The following UBA3 variants were observed in gnomAD, a reference collection of about 807,000 sequenced individuals.
UBA3 encodes ubiquitin like modifier activating enzyme 3.
UBA3 carries 26 observed loss-of-function variants against 73.5 expected under a neutral mutation model. The ratio of observed to expected loss-of-function variants is 0.35; its 90% CI spans 0.26 to 0.49. The LOEUF is 0.49. UBA3 is among the 20% of genes least tolerant of loss of function. The pLI, the probability that UBA3 is intolerant of heterozygous loss-of-function variation, is 0.98. For synonymous variants in UBA3, 217 were observed against 191.2 expected (o/e 1.13, Z -1.11); for missense variants, 495 against 555.6 (o/e 0.89, Z 1.10).
chr3:69,077,960 A>G, intron 2 of UBA3, 42 bp from the exon 3 acceptor site: 1 of 1,604,734 alleles, frequency 6.2e-7, no homozygotes, highest in South Asian at 1.1e-5. Context: ...GATCAGTATG[A>G]AAAAAACCAC....
chr3:69,064,114 G>A lies in UBA3; in HGVS notation c.429-3C>T. 4 of 1,599,352 alleles carry A rather than the reference G, an allele frequency of 2.5e-6. No homozygotes were observed. The highest frequency in any genetic ancestry group is 1.1e-5 in the South Asian group (1 of 87,656). On this transcript the variant is annotated splice_region_variant and splice_polypyrimidine_tract_variant and intron_variant, in intron 6 of 17. Transcript: ENST00000361055. The stretch of plus-strand genomic sequence containing the variant: ...AATCTTGAATCTTGTTGAAATGTCT[G>A]AATACAAGTAAAGGAACTTAAGCAG...
chr3:69,057,022 C>A (rs1375892692), intron 12 of UBA3, among the ~76,000 whole-genome samples: 1 of 152,086 alleles, frequency 6.6e-6, no homozygotes, highest in East Asian at 1.9e-4. Flanking sequence ...TCTTGTTTAT[C>A]AGATTAATAA....
At position 69,056,802 on chromosome 3, in the gene UBA3, A is replaced by C; in HGVS notation, c.978T>G (p.Thr326=). The change falls in exon 13 of 18, where the codon ACT becomes ACG. Residue 326 remains threonine, a synonymous_variant. Transcript: ENST00000361055. ...ACCTTGTGGCTATTTTAAAAACCTC[A>C]GTGGCACACACAGCTGAAGGGAGGA... The part of the protein sequence containing the change: ...TNAVIAAVCA[T]EVFKIATSAY... 1 of 1,613,032 alleles carries C rather than the reference A, an allele frequency of 6.2e-7. No homozygotes were observed. Among genetic ancestry groups the C allele is most frequent in the Non-Finnish European group, 8.5e-7 (1 of 1,179,596 alleles).
intron 3 of UBA3, 46 bp downstream of exon 3, chr3:69,077,752 A>G: frequency 6.5e-7 from 1 of 1,533,740 alleles, no homozygotes; most frequent in Non-Finnish European, 8.8e-7. Context: ...TTAGTTTTGA[A>G]ACATAAAACT....
At chr3:69,059,755 T>G (rs1306209343) in intron 11 of UBA3, among the ~76,000 whole-genome samples, 1 of 152,128 alleles carries the variant, frequency 6.6e-6, no homozygotes, top group Admixed American at 6.6e-5. Context: ...TGGCAGATTT[T>G]CAAAAAGAAG....
In UBA3 at chr3:69,055,494, C is replaced by T. The variant is rs776131142; in HGVS notation, c.1335G>A (p.Ala445=). 10 of 1,574,048 alleles carry T rather than the reference C, an allele frequency of 6.4e-6. No individual in the cohort carries two copies. Among genetic ancestry groups the T allele is most frequent in the Admixed American group, 4.2e-5 (2 of 47,910 alleles). ...ELGLVDGQEL[A]VADVTTPQTV... ...TCTGTGGGGTGGTGACATCAGCAAC[C>T]GCCAGTTCTTGTCCATCAACAAGCC... The change falls in exon 18 of 18, where the codon GCG becomes GCA. Residue 445 remains alanine (A), a synonymous_variant. Coordinates refer to ENST00000361055, the MANE Select transcript of UBA3 (RefSeq NM_003968.4).
At chr3:69,069,379 G>A (rs2092103230) in intron 5 of UBA3, among the ~76,000 whole-genome samples, 1 of 152,076 alleles carries the variant, frequency 6.6e-6, no homozygotes, top group South Asian at 2.1e-4. Flanking sequence ...CCACGCTGGA[G>A]TGCAGTGGCA....
At position 69,064,071 on chromosome 3, in the gene UBA3, G is replaced by T; in HGVS notation, c.469C>A (p.Arg157=). ...KIQDFNDTFY[R]QFHIIVCGLD... ...TAATTTCAAGTAAAAAACTTACGTC[G>T]ATAGAAAGTGTCGTTAAAATCTTGA... The change falls in exon 7 of 18, where the codon CGA becomes AGA. Residue 157 remains arginine, a synonymous_variant. Coordinates refer to ENST00000361055, the MANE Select transcript of UBA3 (RefSeq NM_003968.4). 6.2e-7 allele frequency: 1 copy of T among 1,602,354 alleles called. No individual in the cohort carries two copies. Among genetic ancestry groups the T allele is most frequent in the Non-Finnish European group, 8.5e-7 (1 of 1,175,646 alleles).
At chr3:69,079,595 C>T (rs1015287275) in intron 2 of UBA3, 2 of 153,234 alleles carry the variant, frequency 1.3e-5, no homozygotes, top group African/African-American at 4.8e-5. Context: ...TGTTTGAAGT[C>T]AACAACCTCT....
intron 2 of UBA3, among the ~76,000 whole-genome samples, chr3:69,079,485 G>A (rs1026374225): frequency 6.6e-6 from 1 of 152,152 alleles, no homozygotes; most frequent in African/African-American, 2.4e-5. Context: ...ATTATGTGGC[G>A]CTGGCCAGGT....
intron 2 of UBA3, among the ~76,000 whole-genome samples, 186 bp from the exon 3 acceptor site, chr3:69,078,104 G>C (rs2092183933): frequency 6.6e-6 from 1 of 152,176 alleles, no homozygotes; most frequent in Non-Finnish European, 1.5e-5. Flanking sequence ...TTCATTTAAA[G>C]TTAAGAACTG....
At chr3:69,063,770 G>A (rs764745762) in intron 7 of UBA3, among the ~76,000 whole-genome samples, 15 of 151,684 alleles carry the variant, frequency 9.9e-5, no homozygotes, top group Admixed American at 2.0e-4. Flanking sequence ...CAATTTGCAC[G>A]TTCTAAGAAA....
chr3:69,056,383 A>G, intron 14 of UBA3, 100 bp from the exon 15 acceptor site: 1 of 1,066,024 alleles, frequency 9.4e-7, no homozygotes, highest in South Asian at 1.9e-5. Context: ...ATAATCATGC[A>G]TATTTCCTAT....
intron 6 of UBA3, among the ~76,000 whole-genome samples, chr3:69,065,288 T>G (rs2092059980): frequency 6.6e-6 from 1 of 152,046 alleles, no homozygotes; most frequent in African/African-American, 2.4e-5. Context: ...TATTTGCATT[T>G]TTAAGCTCTT....
chr3:69,068,726 T>C (rs1383997578), intron 5 of UBA3, among the ~76,000 whole-genome samples: 1 of 152,068 alleles, frequency 6.6e-6, no homozygotes, highest in Non-Finnish European at 1.5e-5. Context: ...AGATTACAGG[T>C]GCCTGCCACC....
intron 6 of UBA3, among the ~76,000 whole-genome samples, chr3:69,067,556 T>C (rs924030557): frequency 8.5e-5 from 13 of 152,298 alleles, no homozygotes; most frequent in African/African-American, 3.1e-4. Flanking sequence ...TAATACTATA[T>C]TGACTGTCTA....
rs1386229847 is a variant in UBA3, at chr3:69,077,728, AAAG to A, written c.183+67_183+69del. On this transcript the variant is annotated intron_variant, in intron 3 of 17. Transcript: ENST00000361055. ...ATTTTCATTGTAAGAGCAAATTAAA[AAAG>A]AAGCATTCTATTAGTTTTGAAACAT... 18 of 1,434,698 alleles carry A rather than the reference AAAG, an allele frequency of 1.3e-5. No homozygotes were observed. In the African/African-American group the frequency reaches 2.2e-4, roughly 17 times the overall value. 88.9% of individuals were successfully genotyped at this position (1,434,698 alleles called of 1,614,324 possible).
chr3:69,058,128 C>A (rs538219556), intron 11 of UBA3, among the ~76,000 whole-genome samples: 122 of 152,154 alleles, frequency 8.0e-4, no homozygotes, highest in Non-Finnish European at 1.3e-3. Flanking sequence ...GATGGGGTTT[C>A]ACCGTGTTAG....
intron 3 of UBA3, among the ~76,000 whole-genome samples, chr3:69,076,940 A>G (rs2092172682): frequency 1.3e-5 from 2 of 151,904 alleles, no homozygotes; most frequent in South Asian, 4.1e-4. Context: ...AACATGAGAT[A>G]ACACGAAAAC....
Sources: allele counts gnomAD v4.1 joint callset (sites outside exome capture counted in the v4.1 genomes callset), GRCh38; gene constraint gnomAD v4.1.1; transcripts MANE v1.5; gene names NCBI Gene and HGNC (gene_info 2026-07-23, HGNC 2026-07-21).